Variants in ASIP observed in about 807,000 individuals in gnomAD.
ASIP encodes agouti signaling protein.
Under a neutral mutation model 10.3 loss-of-function variants are expected in ASIP, and 11 were observed. The ratio of observed to expected loss-of-function variants is 1.07; its 90% CI spans 0.68 to 1.78. The LOEUF is 1.78. ASIP is among the 40% of genes most tolerant of loss of function. The pLI is 0.00. For synonymous variants in ASIP, 70 were observed against 70.8 expected (o/e 0.99, Z 0.06); for missense variants, 180 against 169.2 (o/e 1.06, Z -0.35).
intron 1 of ASIP, among the ~76,000 whole-genome samples, chr20:34,219,204 A>C (rs553137739): frequency 1.2e-4 from 18 of 152,236 alleles, no homozygotes; most frequent in Non-Finnish European, 2.6e-4. Flanking sequence ...AATACACTAG[A>C]CTAGACACTA....
rs77937578 is a variant in ASIP, at chr20:34,219,201, T to G, written c.-11+24441T>G. ...AACTAGATAATGTCATGTAATACAC[T>G]AGACTAGACACTATATGGAAAGAGG... is the stretch of plus-strand genomic sequence containing the variant. On this transcript the variant is annotated intron_variant, in intron 1 of 3. Transcript: ENST00000568305. Among the ~76,000 whole-genome samples, 620 of 152,278 alleles carry G rather than the reference T, an allele frequency of 4.1e-3. 4 individuals carry two copies. Among genetic ancestry groups the G allele is most frequent in the African/African-American group, 0.014 (597 of 41,542 alleles).
Position 34,269,173 on chromosome 20 carries a change from C to T in ASIP, c.*6C>T. 2.0e-6 allele frequency: 3 copies of T among 1,504,082 alleles called. No individual in the cohort carries two copies. Among genetic ancestry groups the T allele is most frequent in the Non-Finnish European group, 1.8e-6 (2 of 1,125,864 alleles). 93.2% of individuals were successfully genotyped at this position (1,504,082 alleles called of 1,614,324 possible). On this transcript the variant is annotated 3_prime_UTR_variant, in exon 4 of 4. Coordinates refer to ENST00000374954, the MANE Select transcript of ASIP (RefSeq NM_001672.3). ...TGCTCAGCCTCAACTGCTGAGCGCC[C>T]CCACTCCCGGCCGCGAGCAGGCAGG...
At chr20:34,241,519 T>G (rs982255466) in intron 1 of ASIP, 30 bp downstream of exon 1, 1 of 985,316 alleles carries the variant, frequency 1.0e-6, no homozygotes, top group East Asian at 1.1e-4. Context: ...TTAATCTGCT[T>G]TCAGGAGTGA....
chr20:34,234,609 C>G (rs2035153735), intron 1 of ASIP, among the ~76,000 whole-genome samples: 1 of 152,026 alleles, frequency 6.6e-6, no homozygotes, highest in South Asian at 2.1e-4. Context: ...ATAAACCAGC[C>G]TGACCAACAT....
intron 1 of ASIP, among the ~76,000 whole-genome samples, chr20:34,255,853 G>A (rs184517011): frequency 1.3e-3 from 195 of 152,256 alleles, no homozygotes; most frequent in African/African-American, 4.5e-3. Flanking sequence ...ATCAGTGCTC[G>A]GGAAGGCACC....
upstream of ASIP, among the ~76,000 whole-genome samples, chr20:34,190,167 C>T (rs1263424036): frequency 2.0e-5 from 3 of 152,170 alleles, no homozygotes; most frequent in Non-Finnish European, 2.9e-5. Flanking sequence ...GAATCACTAT[C>T]CCTTGTGACA....
At chr20:34,248,294 A>C (rs2035414525) in intron 1 of ASIP, among the ~76,000 whole-genome samples, 1 of 152,206 alleles carries the variant, frequency 6.6e-6, no homozygotes, top group Admixed American at 6.5e-5. Context: ...TGACATCTCA[A>C]TATTACAACT....
intron 3 of ASIP, among the ~76,000 whole-genome samples, chr20:34,267,463 A>C (rs1302140321): frequency 2.0e-5 from 3 of 150,194 alleles, no homozygotes; most frequent in Admixed American, 6.6e-5. Context: ...GGCTCTCAAA[A>C]AAAAAAAAAA....
intron 1 of ASIP, among the ~76,000 whole-genome samples, chr20:34,212,068 T>G (rs1379164680): frequency 6.6e-6 from 1 of 152,212 alleles, no homozygotes; most frequent in African/African-American, 2.4e-5. Flanking sequence ...CTTTTCTGTA[T>G]TTTTCATCAT....
intron 1 of ASIP, chr20:34,213,772 C>G: frequency 6.6e-7 from 1 of 1,507,460 alleles, no homozygotes; most frequent in Non-Finnish European, 9.2e-7. Flanking sequence ...TCTGAGAATA[C>G]CCTTTTGTAA....
At chr20:34,201,308 A>G (rs903564847) in intron 1 of ASIP, among the ~76,000 whole-genome samples, 25 of 152,148 alleles carry the variant, frequency 1.6e-4, no homozygotes, top group African/African-American at 5.1e-4. Flanking sequence ...TCTAAACTCA[A>G]TATGGATTCT....
At chr20:34,224,494 G>A (rs2035079209) in intron 1 of ASIP, among the ~76,000 whole-genome samples, 2 of 151,806 alleles carry the variant, frequency 1.3e-5, no homozygotes, top group Admixed American at 1.3e-4. Flanking sequence ...CGTCAAAAGG[G>A]TTTATAAGAA....
chr20:34,254,160 T>C (rs747101755), intron 1 of ASIP, among the ~76,000 whole-genome samples: 2 of 152,274 alleles, frequency 1.3e-5, no homozygotes, highest in Non-Finnish European at 2.9e-5. Context: ...CCTCCTGGAT[T>C]CAAGTGATGC....
chr20:34,232,103 T>A (rs1425134547), intron 1 of ASIP, among the ~76,000 whole-genome samples: 1 of 152,210 alleles, frequency 6.6e-6, no homozygotes, highest in African/African-American at 2.4e-5. Context: ...GGTCTACACA[T>A]GTGGTAAATG....
At position 34,269,254 on chromosome 20, in the gene ASIP, C is replaced by G. The variant is rs533183408; in HGVS notation, c.*87C>G. 1.4e-5 allele frequency: 20 copies of G among 1,403,608 alleles called. No homozygotes were observed. The African/African-American group carries it at 3.0e-4, about 21-fold the overall frequency. 86.9% of individuals were successfully genotyped at this position (1,403,608 alleles called of 1,614,324 possible). A position where few individuals can be genotyped will look rare whatever the true frequency, so the allele number is the denominator to read the frequency against. On this transcript the variant is annotated 3_prime_UTR_variant, in exon 4 of 4. Transcript: ENST00000374954. Reference sequence around the variant, plus strand: ...GGTGATCCCTAACAGGGCGGCTTCCCAGGGCTGCAGGCGGGCGGAGGTTCC... The same window carrying G: ...GGTGATCCCTAACAGGGCGGCTTCCGAGGGCTGCAGGCGGGCGGAGGTTCC...
At chr20:34,234,503 TCC>T (rs1479944781) in intron 1 of ASIP, among the ~76,000 whole-genome samples, 2 of 112,414 alleles carry the variant, frequency 1.8e-5, no homozygotes, top group East Asian at 2.9e-4. Flanking sequence ...TTTTCTTTTC[TCC>T]TTCCTTCCTT....
chr20:34,224,216 A>T (rs1156484696), intron 1 of ASIP, among the ~76,000 whole-genome samples: 1 of 151,644 alleles, frequency 6.6e-6, no homozygotes, highest in Non-Finnish European at 1.5e-5. Context: ...AATTATCAAT[A>T]AAAAAATAAA....
chr20:34,268,072 T>C (rs969096862), intron 3 of ASIP, among the ~76,000 whole-genome samples: 5 of 152,248 alleles, frequency 3.3e-5, no homozygotes, highest in African/African-American at 1.2e-4. Flanking sequence ...AGAGGAAGAA[T>C]ATTTTTATAT....
intron 3 of ASIP, among the ~76,000 whole-genome samples, chr20:34,264,975 C>T (rs2424985): frequency 0.24 from 36,888 of 151,396 alleles, 7,317 homozygotes; most frequent in African/African-American, 0.55. Context: ...TTTGTATTTT[C>T]AGTAGAGATG....
Sources: allele counts gnomAD v4.1 joint callset (sites outside exome capture counted in the v4.1 genomes callset), GRCh38; gene constraint gnomAD v4.1.1; transcripts MANE v1.5; gene names NCBI Gene and HGNC (gene_info 2026-07-23, HGNC 2026-07-21).